Variants in SLC30A7 observed in about 807,000 individuals in gnomAD.
The protein encoded by SLC30A7 is solute carrier family 30 member 7.
A neutral mutation model predicts 46.0 loss-of-function variants in SLC30A7; 35 were observed. The observed-to-expected ratio is 0.76, with a 90% CI of 0.58 to 1.01. SLC30A7 has a LOEUF of 1.01. SLC30A7 is among the 50% of genes least tolerant of loss of function. The pLI, the probability that SLC30A7 is intolerant of heterozygous loss-of-function variation, is 0.00. For synonymous variants in SLC30A7, 147 were observed against 157.8 expected, an observed-to-expected ratio of 0.93 and a Z score of 0.51; for missense variants, 464 against 451.1, an observed-to-expected ratio of 1.03 and a Z score of -0.26.
intron 7 of SLC30A7, among the ~76,000 whole-genome samples, chr1:100,918,481 A>G (rs1033835678): frequency 3.9e-5 from 6 of 152,156 alleles, no homozygotes; most frequent in South Asian, 4.1e-4. Context: ...TTCGGAAACT[A>G]TTCTGCTTGA....
At chr1:100,904,168 G>T (rs1413121067) in intron 2 of SLC30A7, among the ~76,000 whole-genome samples, 2 of 152,112 alleles carry the variant, frequency 1.3e-5, no homozygotes. Context: ...ATTTGGAGCT[G>T]GGATTTGAAC....
chr1:100,978,312 T>C lies in SLC30A7; in HGVS notation c.*3455T>C, dbSNP rs1161888285. ...TTTGTACAGCAGCCAAATCATGAAC[T>C]CAAAATGTATTTGATCACAGTTCTA... On this transcript the variant is annotated 3_prime_UTR_variant, in exon 11 of 11. Transcript: ENST00000357650. 5 of 152,206 alleles carry C rather than the reference T, an allele frequency of 3.3e-5. No individual in the cohort carries two copies. Among genetic ancestry groups the C allele is most frequent in the Non-Finnish European group, 7.3e-5 (5 of 68,034 alleles). The allele number at this position is 152,206 out of a possible 1,614,324, so 9.4% of individuals were successfully genotyped here.
the SLC30A7 span, among the ~76,000 whole-genome samples, chr1:100,993,553 AATATAAATATAT>A: frequency 5.6e-5 from 2 of 35,922 alleles, no homozygotes; most frequent in East Asian, 5.8e-4. Flanking sequence ...CTCTGTCGAA[AATATAAATATAT>A]ATATATATAT....
Position 100,957,417 on chromosome 1 carries a change from C to T in SLC30A7, c.843-4411C>T, listed in dbSNP as rs539219761. ...TATAAAAACAATTTATATTTTCTTT[C>T]ATTTCCAAATATATTCTCTCTCTAG... is the stretch of plus-strand genomic sequence containing the variant. On this transcript the variant is annotated intron_variant, in intron 8 of 10. Coordinates refer to ENST00000357650, the MANE Select transcript of SLC30A7 (RefSeq NM_133496.5). Among the ~76,000 whole-genome samples the T allele has an allele frequency of 7.9e-5, 12 of 152,284 alleles. No homozygotes were observed. The East Asian group carries it at 9.6e-4, about 12-fold the overall frequency.
intron 8 of SLC30A7, among the ~76,000 whole-genome samples, chr1:100,950,132 A>G (rs1346332053): frequency 6.6e-6 from 1 of 152,116 alleles, no homozygotes; most frequent in African/African-American, 2.4e-5. Context: ...TTTAGTTTTA[A>G]TGGTCACTCT....
At chr1:100,994,498 A>C in the SLC30A7 span, among the ~76,000 whole-genome samples, 1 of 151,964 alleles carries the variant, frequency 6.6e-6, no homozygotes, top group Non-Finnish European at 1.5e-5. Flanking sequence ...AACTTGCCCA[A>C]GAGCACTCAA....
chr1:100,969,251 C>T (rs1277738260), intron 10 of SLC30A7, among the ~76,000 whole-genome samples: 2 of 152,146 alleles, frequency 1.3e-5, no homozygotes, highest in Admixed American at 6.5e-5. Context: ...CTTCTTACAC[C>T]TTCTACATGT....
At chr1:100,929,123 TAC>T (rs2101042539) in intron 8 of SLC30A7, among the ~76,000 whole-genome samples, 1 of 152,130 alleles carries the variant, frequency 6.6e-6, no homozygotes, top group Non-Finnish European at 1.5e-5. Flanking sequence ...TGCGTGCCTG[TAC>T]ACACCAGATC....
chr1:100,974,844 T>C lies in SLC30A7; in HGVS notation c.1118T>C (p.Phe373Ser). 1 of 1,601,530 alleles carries C rather than the reference T, an allele frequency of 6.2e-7. No individual in the cohort carries two copies. The highest frequency in any genetic ancestry group is 8.5e-7 in the Non-Finnish European group (1 of 1,171,136). The change falls in exon 11 of 11, where the codon TTT becomes TCT. Residue 373 changes from phenylalanine (F) to serine (S), a missense_variant. Coordinates refer to ENST00000357650, the MANE Select transcript of SLC30A7 (RefSeq NM_133496.5). The part of the protein sequence containing the change: ...GVRQLYVQID[F>S]AAM ...AGACAGCTCTACGTACAGATTGACT[T>C]TGCAGCCATGTAGTGAATGGAAAGA...
the SLC30A7 span, chr1:100,992,716 T>C: frequency 6.2e-7 from 1 of 1,613,412 alleles, no homozygotes; most frequent in East Asian, 2.2e-5. Context: ...TCATATACCG[T>C]GGAGGTTCAT....
intron 6 of SLC30A7, among the ~76,000 whole-genome samples, 195 bp downstream of exon 6, chr1:100,914,001 C>A (rs915840567): frequency 2.0e-5 from 3 of 152,088 alleles, no homozygotes; most frequent in Non-Finnish European, 4.4e-5. Flanking sequence ...AGTGGATGTT[C>A]GCTTTTTTCC....
intron 8 of SLC30A7, among the ~76,000 whole-genome samples, chr1:100,949,657 G>A (rs1318165868): frequency 2.6e-5 from 4 of 152,192 alleles, no homozygotes; most frequent in South Asian, 2.1e-4. Context: ...ACTGAGCTGC[G>A]GTGGGCCCCT....
At chr1:100,905,291 T>G (rs997645105) in intron 2 of SLC30A7, among the ~76,000 whole-genome samples, 2 of 152,048 alleles carry the variant, frequency 1.3e-5, no homozygotes, top group Admixed American at 6.5e-5. Flanking sequence ...TTTATCTTTA[T>G]TTTTTTAATT....
chr1:100,898,706 C>T (rs1007770451), intron 2 of SLC30A7, among the ~76,000 whole-genome samples: 2 of 151,922 alleles, frequency 1.3e-5, no homozygotes, highest in Non-Finnish European at 2.9e-5. Context: ...ATTTAGACAC[C>T]AAAATTTTTA....
chr1:100,944,697 A>G (rs997184583), intron 8 of SLC30A7, among the ~76,000 whole-genome samples: 1 of 131,086 alleles, frequency 7.6e-6, no homozygotes. Flanking sequence ...ATTTCTTAAT[A>G]CAGTCTATCA....
intron 8 of SLC30A7, among the ~76,000 whole-genome samples, chr1:100,923,374 A>T (rs1330150538): frequency 6.6e-6 from 1 of 151,456 alleles, no homozygotes; most frequent in East Asian, 1.9e-4. Context: ...ATAAATGGAG[A>T]TTTTTTTTTA....
intron 8 of SLC30A7, among the ~76,000 whole-genome samples, chr1:100,957,729 G>GA (rs78462610): frequency 0.12 from 18,763 of 152,014 alleles, 1,371 homozygotes; most frequent in Non-Finnish European, 0.17. Flanking sequence ...AGGTAGGTAG[G>GA]AAAAAAACCT....
intron 7 of SLC30A7, among the ~76,000 whole-genome samples, chr1:100,918,530 A>G (rs967442161): frequency 2.6e-5 from 4 of 152,154 alleles, no homozygotes; most frequent in African/African-American, 9.7e-5. Flanking sequence ...TAAACATTGT[A>G]TAGATGCTTC....
rs1486065823 is a variant in SLC30A7, at chr1:100,896,676, C to A, written c.182+5C>A. 6.2e-7 allele frequency: 1 copy of A among 1,612,786 alleles called. No individual in the cohort carries two copies. The highest frequency in any genetic ancestry group is 8.5e-7 in the Non-Finnish European group (1 of 1,178,988). ...CTACGGCATCTGGAGCAACTGGTAA[C>A]CAAAGGGGAAAATGGTTTGGGCGGA... On this transcript the variant is annotated splice_donor_5th_base_variant and intron_variant, in intron 2 of 10. Coordinates refer to ENST00000357650, the MANE Select transcript of SLC30A7 (RefSeq NM_133496.5).
Sources: gnomAD v4.1 joint callset for allele counts (sites outside exome capture counted in the v4.1 genomes callset) on GRCh38, gnomAD v4.1.1 for gene constraint, MANE v1.5 for transcripts, NCBI Gene and HGNC (gene_info 2026-07-23, HGNC 2026-07-21) for gene names.